Variants in WDPCP observed in about 807,000 individuals in gnomAD.
WDPCP encodes WD repeat containing planar cell polarity effector, also known as WD repeat-containing and planar cell polarity effector protein fritz homolog.
Under a neutral mutation model 93.1 loss-of-function variants are expected in WDPCP, and 71 were observed. The ratio of observed to expected loss-of-function variants is 0.76; its 90% confidence interval spans 0.63 to 0.93. WDPCP has a LOEUF of 0.93. Among genes scored for constraint, WDPCP ranks in the 40% least tolerant of loss-of-function variants. WDPCP has a pLI of 0.00. For synonymous variants in WDPCP, 315 were observed against 315.0 expected (o/e 1.00, Z 0.00); for missense variants, 844 against 887.4 (o/e 0.95, Z 0.62).
chr2:63,293,679 G>C (rs572248528), intron 13 of WDPCP, among the ~76,000 whole-genome samples: 1 of 152,138 alleles, frequency 6.6e-6, no homozygotes, highest in African/African-American at 2.4e-5. Context: ...TCAATAAAAA[G>C]AAAACCTAAA....
At chr2:63,784,902 C>G (rs930071486) in intron 2 of WDPCP, among the ~76,000 whole-genome samples, 4 of 152,124 alleles carry the variant, frequency 2.6e-5, no homozygotes, top group Non-Finnish European at 1.5e-5. Flanking sequence ...TTGGTTTCAT[C>G]TCTGAAAACT....
chr2:63,772,064 G>T (rs569519710), intron 2 of WDPCP, among the ~76,000 whole-genome samples: 68 of 152,028 alleles, frequency 4.5e-4, no homozygotes, highest in Non-Finnish European at 3.7e-4. Flanking sequence ...TATATACCCA[G>T]TAATGAGATT....
chr2:63,544,967 T>C (rs1414073983), intron 1 of WDPCP, among the ~76,000 whole-genome samples: 1 of 152,164 alleles, frequency 6.6e-6, no homozygotes, highest in Non-Finnish European at 1.5e-5. Context: ...TTCATGTGAA[T>C]TACTAGAATC....
At chr2:63,455,437 TATAC>T (rs759497450) in intron 6 of WDPCP, among the ~76,000 whole-genome samples, 97 of 129,154 alleles carry the variant, frequency 7.5e-4, no homozygotes, top group African/African-American at 1.9e-3. Context: ...TATATATATA[TATAC>T]ACACACACAC....
intron 1 of WDPCP, among the ~76,000 whole-genome samples, chr2:63,499,917 C>A (rs1347108675): frequency 6.6e-6 from 1 of 152,234 alleles, no homozygotes; most frequent in Non-Finnish European, 1.5e-5. Flanking sequence ...TTCCTAGCTA[C>A]TAACCTGGCT....
intron 14 of WDPCP, among the ~76,000 whole-genome samples, chr2:63,258,539 A>AC (rs11480063): frequency 0.36 from 54,688 of 152,056 alleles, 12,476 homozygotes; most frequent in Non-Finnish European, 0.5. Flanking sequence ...TCAAGCACTT[A>AC]AAAGTGGAAA....
At chr2:63,580,956 A>C (rs1267089272) in intron 1 of WDPCP, among the ~76,000 whole-genome samples, 2 of 152,222 alleles carry the variant, frequency 1.3e-5, no homozygotes, top group Admixed American at 1.3e-4. Context: ...CATGTGATAA[A>C]GCAAATGTGA....
chr2:63,669,414 C>A (rs1710319754), intron 2 of WDPCP, among the ~76,000 whole-genome samples: 2 of 150,878 alleles, frequency 1.3e-5, no homozygotes, highest in African/African-American at 4.9e-5. Context: ...GGCTGGAGTG[C>A]AGTGGTGCAA....
intron 2 of WDPCP, among the ~76,000 whole-genome samples, chr2:63,797,110 G>A (rs972501033): frequency 2.0e-5 from 3 of 152,262 alleles, no homozygotes; most frequent in African/African-American, 4.8e-5. Context: ...GCCTTGAAGC[G>A]AAGAAACCAA....
At chr2:63,684,627 G>A (rs11125981) in intron 2 of WDPCP, 112,424 of 696,614 alleles carry the variant, frequency 0.16, 10,354 homozygotes, top group Middle Eastern at 0.24. Context: ...GCTCTTAAAC[G>A]CAAGGCCTGA....
chr2:63,195,891 C>T (rs965569440), intron 14 of WDPCP, among the ~76,000 whole-genome samples: 3 of 152,180 alleles, frequency 2.0e-5, no homozygotes, highest in African/African-American at 7.2e-5. Flanking sequence ...AAAGATTGAA[C>T]ATTAAGTCAT....
intron 10 of WDPCP, 135 bp from the exon 11 acceptor site, chr2:63,382,229 C>T: frequency 1.3e-6 from 1 of 798,030 alleles, no homozygotes; most frequent in South Asian, 1.7e-5. Flanking sequence ...ATCTCCTTCT[C>T]AACTAATATT....
chr2:63,411,402 T>C (rs1695013611), intron 9 of WDPCP, among the ~76,000 whole-genome samples: 1 of 152,140 alleles, frequency 6.6e-6, no homozygotes, highest in African/African-American at 2.4e-5. Context: ...GGAAAGTTCA[T>C]AGCCCTAAAC....
chr2:63,740,683 C>T (rs1393855074), intron 2 of WDPCP, among the ~76,000 whole-genome samples: 1 of 152,100 alleles, frequency 6.6e-6, no homozygotes, highest in Non-Finnish European at 1.5e-5. Flanking sequence ...CATTTGGTAA[C>T]AGGCAGTTGT....
chr2:63,349,621 A>C (rs541087056), intron 12 of WDPCP, among the ~76,000 whole-genome samples: 1 of 152,288 alleles, frequency 6.6e-6, no homozygotes, highest in East Asian at 1.9e-4. Flanking sequence ...AAAAAAACCC[A>C]AGTTGGTTTC....
At chr2:63,187,162 C>G (rs1674704735) in intron 14 of WDPCP, among the ~76,000 whole-genome samples, 1 of 151,962 alleles carries the variant, frequency 6.6e-6, no homozygotes, top group Non-Finnish European at 1.5e-5. Flanking sequence ...TCTATTCTGC[C>G]TCATATTAGT....
At chr2:63,535,863 G>C (rs961374092) in intron 1 of WDPCP, among the ~76,000 whole-genome samples, 2 of 152,138 alleles carry the variant, frequency 1.3e-5, no homozygotes, top group Non-Finnish European at 2.9e-5. Context: ...TTGACAAATG[G>C]GATCTAATTA....
Position 63,156,588 on chromosome 2 carries a change from A to G in WDPCP, c.2079-3014T>C, listed in dbSNP as rs1672267048. Among the ~76,000 whole-genome samples, 5 of 152,092 alleles carry G rather than the reference A, an allele frequency of 3.3e-5. No homozygotes were observed. In the South Asian group the frequency reaches 8.3e-4, roughly 25 times the overall value. The stretch of plus-strand genomic sequence containing the variant: ...CCATCTCTACTAAAAATACAAAAAA[A>G]TTAGCCAGGCGTGGTGGCATGCACC... On this transcript the variant is annotated intron_variant, in intron 15 of 17. Transcript: ENST00000272321.
the WDPCP span, among the ~76,000 whole-genome samples, chr2:63,839,516 C>T: frequency 2.6e-5 from 4 of 152,360 alleles, no homozygotes; most frequent in East Asian, 7.7e-4. Context: ...CTAGACTGTG[C>T]CATTGCACTC....
Sources: gnomAD v4.1 joint callset for allele counts (sites outside exome capture counted in the v4.1 genomes callset) on GRCh38, gnomAD v4.1.1 for gene constraint, MANE v1.5 for transcripts, NCBI Gene and HGNC (gene_info 2026-07-23, HGNC 2026-07-21) for gene names.